Variants in DLGAP2 observed in about 807,000 individuals in gnomAD.
DLGAP2 encodes disks large-associated protein 2.
Under a neutral mutation model 100.3 loss-of-function variants are expected in DLGAP2, and 26 were observed. The ratio of observed to expected loss-of-function variants is 0.26; its 90% CI spans 0.19 to 0.36. The LOEUF (loss-of-function observed/expected upper bound fraction) is 0.36. DLGAP2 is among the 10% of genes least tolerant of loss of function. DLGAP2 has a pLI of 1.00. For synonymous variants in DLGAP2, 886 were observed against 630.1 expected (o/e 1.41, Z -6.08); for missense variants, 1,858 against 1,453.2 (o/e 1.28, Z -4.53).
intron 3 of DLGAP2, among the ~76,000 whole-genome samples, chr8:1,314,494 C>G (rs893583853): frequency 3.3e-5 from 5 of 152,212 alleles, no homozygotes; most frequent in Admixed American, 3.3e-4. Context: ...ATTTCTCCAT[C>G]CAAAAAATAA....
intron 2 of DLGAP2, among the ~76,000 whole-genome samples, chr8:1,203,691 C>G (rs1797931166): frequency 6.6e-6 from 1 of 152,172 alleles, no homozygotes; most frequent in Non-Finnish European, 1.5e-5. Context: ...TAGAAATCCC[C>G]TTATTCTCGC....
At chr8:1,104,305 C>T (rs552531620) in intron 2 of DLGAP2, among the ~76,000 whole-genome samples, 4 of 152,170 alleles carry the variant, frequency 2.6e-5, no homozygotes, top group African/African-American at 7.2e-5. Flanking sequence ...TGGGTTCCAG[C>T]CGCAGGATCA....
At chr8:1,290,913 C>T (rs190743152) in intron 3 of DLGAP2, among the ~76,000 whole-genome samples, 2 of 152,170 alleles carry the variant, frequency 1.3e-5, no homozygotes, top group South Asian at 2.1e-4. Flanking sequence ...TTTAGTGTAC[C>T]GTTCACTGGT....
In DLGAP2 at chr8:1,295,706, G is replaced by A. The variant is rs556837005; in HGVS notation, c.106+36823G>A. Reference sequence around the variant, plus strand: ...AAACAAATAGAAGAAAACCCACTCCGGGCCCCAGTCTCTCTGTGGGCCCAA... The same window carrying A: ...AAACAAATAGAAGAAAACCCACTCCAGGCCCCAGTCTCTCTGTGGGCCCAA... On this transcript the variant is annotated intron_variant, in intron 3 of 14. Transcript: ENST00000637795. 7.2e-4 allele frequency among the ~76,000 whole-genome samples: 110 copies of A among 152,330 alleles called. 1 individual carries two copies. The South Asian group carries it at 0.021, about 28-fold the overall frequency.
At chr8:738,378 G>T (rs537127325) in intron 1 of DLGAP2, among the ~76,000 whole-genome samples, 9 of 151,924 alleles carry the variant, frequency 5.9e-5, no homozygotes, top group African/African-American at 1.9e-4. Context: ...CCTTGTGCCG[G>T]GCAGCAGCGG....
intron 2 of DLGAP2, among the ~76,000 whole-genome samples, chr8:1,047,634 G>A (rs1367707381): frequency 2.6e-5 from 4 of 152,006 alleles, no homozygotes; most frequent in African/African-American, 7.2e-5. Context: ...AGTGTCCAGC[G>A]ACAGCCACTT....
chr8:917,050 C>T (rs1266128675), intron 2 of DLGAP2, among the ~76,000 whole-genome samples: 1 of 152,204 alleles, frequency 6.6e-6, no homozygotes, highest in East Asian at 1.9e-4. Context: ...GCTTGTGGAG[C>T]CACTGCTTTT....
At chr8:1,195,190 G>A (rs1797725053) in intron 2 of DLGAP2, among the ~76,000 whole-genome samples, 1 of 152,178 alleles carries the variant, frequency 6.6e-6, no homozygotes, top group East Asian at 1.9e-4. Context: ...TGTCAGGAAG[G>A]TGCCCCATGG....
Position 913,486 on chromosome 8 carries a change from C to T in DLGAP2, c.73+5520C>T, listed in dbSNP as rs559533093. Among the ~76,000 whole-genome samples, 3 of 152,320 alleles carry T rather than the reference C, an allele frequency of 2.0e-5. No individual in the cohort carries two copies. The South Asian group carries it at 6.2e-4, about 32-fold the overall frequency. ...CGTGAGCGTATATGTTGAAATGAGTCTTGACTCCATTAGTGTCACACCTCT... is the reference window on the plus strand; with the variant it reads ...CGTGAGCGTATATGTTGAAATGAGTTTTGACTCCATTAGTGTCACACCTCT... On this transcript the variant is annotated intron_variant, in intron 2 of 14. Coordinates refer to ENST00000637795, the MANE Select transcript of DLGAP2 (RefSeq NM_001346810.2).
chr8:1,466,534 TG>T (rs1798632031), intron 3 of DLGAP2, among the ~76,000 whole-genome samples: 2 of 147,722 alleles, frequency 1.4e-5, no homozygotes, highest in South Asian at 2.2e-4. Flanking sequence ...TGTGTGTGTG[TG>T]TGTGTGTGTA....
At chr8:848,890 A>ATCGCGCGGTGCCTGTTCC (rs1797122791) in intron 1 of DLGAP2, among the ~76,000 whole-genome samples, 2 of 127,998 alleles carry the variant, frequency 1.6e-5, no homozygotes, top group South Asian at 5.6e-4. Context: ...CCAGCATAGG[A>ATCGCGCGGTGCCTGTTCC]ACGCGCGGTG....
At chr8:1,464,632 T>A (rs981411011) in intron 3 of DLGAP2, among the ~76,000 whole-genome samples, 1 of 151,352 alleles carries the variant, frequency 6.6e-6, no homozygotes. Context: ...CTGTCTCCAA[T>A]GACTGAAGGC....
At chr8:838,006 C>T (rs559255813) in intron 1 of DLGAP2, among the ~76,000 whole-genome samples, 3 of 151,130 alleles carry the variant, frequency 2.0e-5, no homozygotes, top group Non-Finnish European at 2.9e-5. Flanking sequence ...GGGTTACAGG[C>T]GTGAGCCACT....
At chr8:1,423,288 C>T (rs1797149761) in intron 3 of DLGAP2, among the ~76,000 whole-genome samples, 1 of 151,998 alleles carries the variant, frequency 6.6e-6, no homozygotes, top group South Asian at 2.1e-4. Flanking sequence ...GACCCCAGGC[C>T]TGCTCAGTCC....
At chr8:1,439,717 C>A (rs1391777932) in intron 3 of DLGAP2, among the ~76,000 whole-genome samples, 1 of 152,152 alleles carries the variant, frequency 6.6e-6, no homozygotes, top group Non-Finnish European at 1.5e-5. Flanking sequence ...TCCCGCCATC[C>A]CCTAGGCTGC....
chr8:1,237,041 T>TTC (rs1395161452), intron 2 of DLGAP2, among the ~76,000 whole-genome samples: 6 of 138,558 alleles, frequency 4.3e-5, no homozygotes, highest in African/African-American at 8.2e-5. Context: ...TCGTGTCTAG[T>TTC]TCTCTCACAT....
At chr8:1,259,861 G>T (rs1474732186) in intron 3 of DLGAP2, 1 of 152,216 alleles carries the variant, frequency 6.6e-6, no homozygotes, top group East Asian at 1.9e-4. Context: ...TCCCTTATTT[G>T]GTGGTTAAGG....
intron 4 of DLGAP2, among the ~76,000 whole-genome samples, chr8:1,546,680 C>G (rs1302981938): frequency 6.6e-6 from 1 of 152,198 alleles, no homozygotes; most frequent in South Asian, 2.1e-4. Context: ...CTTGCTTTCC[C>G]TGGCATCCAT....
At chr8:1,363,934 C>T (rs1290476540) in intron 3 of DLGAP2, among the ~76,000 whole-genome samples, 1 of 152,302 alleles carries the variant, frequency 6.6e-6, no homozygotes, top group African/African-American at 2.4e-5. Context: ...CTGACAGTGA[C>T]AGCCAGGCTA....
Sources: gnomAD v4.1 joint callset for allele counts (sites outside exome capture counted in the v4.1 genomes callset) on GRCh38, gnomAD v4.1.1 for gene constraint, MANE v1.5 for transcripts, NCBI Gene and HGNC (gene_info 2026-07-23, HGNC 2026-07-21) for gene names.